The following MREG variants were observed in gnomAD, a reference collection of about 807,000 sequenced individuals.
MREG encodes melanoregulin.
MREG carries 31 observed loss-of-function variants against 28.5 expected under a neutral mutation model. The observed-to-expected ratio is 1.09, with a 90% CI of 0.82 to 1.47. The LOEUF is 1.47. Ranked by LOEUF, MREG falls within the 40% of genes most tolerant of loss-of-function variation. The pLI is 0.00. For missense variants in MREG, 256 were observed against 257.4 expected (o/e 0.99, Z 0.04); for synonymous variants, 106 against 95.2 (o/e 1.11, Z -0.66).
At chr2:215,987,045 G>A (rs1021834209) in intron 2 of MREG, among the ~76,000 whole-genome samples, 19 of 152,242 alleles carry the variant, frequency 1.2e-4, no homozygotes, top group Admixed American at 1.0e-3. Flanking sequence ...ATATCAATAG[G>A]AACTGGTTGA....
chr2:215,989,248 A>C (rs1693659721), intron 2 of MREG, among the ~76,000 whole-genome samples: 1 of 152,226 alleles, frequency 6.6e-6, no homozygotes, highest in African/African-American at 2.4e-5. Flanking sequence ...ATACCCAGGC[A>C]AACAGGGTCT....
intron 2 of MREG, among the ~76,000 whole-genome samples, chr2:215,991,315 C>G (rs905969313): frequency 1.3e-4 from 20 of 152,086 alleles, no homozygotes; most frequent in African/African-American, 4.8e-4. Flanking sequence ...AAAATTAAGG[C>G]AGAGATAAAT....
Position 215,943,136 on chromosome 2 carries a change from G to GT in MREG, c.*1726dup. On this transcript the variant is annotated 3_prime_UTR_variant, in exon 5 of 5. Coordinates refer to ENST00000263268, the MANE Select transcript of MREG (RefSeq NM_018000.3). ...CTCTAAGCAGACTAAATACAAGTTA[G>GT]TTTTTAACCTGAATTCAGAAGTGCA... 1 of 258,784 alleles carries GT rather than the reference G, an allele frequency of 3.9e-6. No homozygotes were observed. Among genetic ancestry groups the GT allele is most frequent in the South Asian group, 4.3e-5 (1 of 23,230 alleles). 16.0% of individuals were successfully genotyped at this position (258,784 alleles called of 1,614,324 possible).
intron 1 of MREG, among the ~76,000 whole-genome samples, chr2:216,025,033 T>C (rs1198482926): frequency 6.6e-6 from 1 of 151,882 alleles, no homozygotes; most frequent in African/African-American, 2.4e-5. Flanking sequence ...AGAAAATGTA[T>C]TATAAAGATG....
At chr2:216,017,142 G>T (rs996172390), upstream of MREG, among the ~76,000 whole-genome samples, 4 of 152,132 alleles carry the variant, frequency 2.6e-5, no homozygotes, top group African/African-American at 9.7e-5. Context: ...ATCATTGTGT[G>T]TGCTGTTATT....
At chr2:215,988,089 G>A (rs1401997775) in intron 2 of MREG, among the ~76,000 whole-genome samples, 1 of 152,116 alleles carries the variant, frequency 6.6e-6, no homozygotes, top group African/African-American at 2.4e-5. Flanking sequence ...TTAGGCAAGA[G>A]GAAGAGGTTA....
intron 1 of MREG, among the ~76,000 whole-genome samples, chr2:216,009,370 G>A (rs1027876010): frequency 6.6e-6 from 1 of 152,138 alleles, no homozygotes; most frequent in Non-Finnish European, 1.5e-5. Flanking sequence ...CTAAGTGGGG[G>A]TTGGGTGCAG....
At chr2:215,990,284 T>A (rs1265340377) in intron 2 of MREG, among the ~76,000 whole-genome samples, 1 of 152,180 alleles carries the variant, frequency 6.6e-6, no homozygotes, top group Non-Finnish European at 1.5e-5. Context: ...GAATTTCATA[T>A]CCAGCCAAAA....
intron 1 of MREG, among the ~76,000 whole-genome samples, chr2:216,001,749 T>C (rs1462273251): frequency 6.6e-6 from 1 of 152,242 alleles, no homozygotes; most frequent in Non-Finnish European, 1.5e-5. Context: ...TCCCGTTCTC[T>C]GGGCCTGCCC....
chr2:216,008,301 T>G (rs1408794761), intron 1 of MREG, among the ~76,000 whole-genome samples: 1 of 152,196 alleles, frequency 6.6e-6, no homozygotes, highest in Non-Finnish European at 1.5e-5. Flanking sequence ...TGTAAATGCT[T>G]TGTATCTGTG....
intron 1 of MREG, among the ~76,000 whole-genome samples, chr2:216,002,947 C>T (rs1230890082): frequency 6.6e-6 from 1 of 151,278 alleles, no homozygotes. Flanking sequence ...TTCCTTCTCT[C>T]TCATTCTCTC....
intron 1 of MREG, among the ~76,000 whole-genome samples, chr2:216,003,171 C>G (rs1215604625): frequency 6.6e-6 from 1 of 152,040 alleles, no homozygotes; most frequent in Non-Finnish European, 1.5e-5. Flanking sequence ...TTAGTTCCAG[C>G]GCTTTCCTCA....
In MREG at chr2:215,982,333, G is replaced by A. The variant is rs1332397437; in HGVS notation, c.255+13973C>T. On this transcript the variant is annotated intron_variant, in intron 2 of 4. Coordinates refer to ENST00000263268, the MANE Select transcript of MREG (RefSeq NM_018000.3). ...CAAAATTCTGTCACAGCAAAACTCC[G>A]TCAAAAAAAAAAAAAGAAAAGAAAA... is the stretch of plus-strand genomic sequence containing the variant. Among the ~76,000 whole-genome samples, 22 of 75,522 alleles carry A rather than the reference G, an allele frequency of 2.9e-4. No homozygotes were observed. In the East Asian group the frequency reaches 3.6e-3, roughly 12 times the overall value. 49.5% of individuals were successfully genotyped at this position (75,522 alleles called of 152,430 possible). A position where few individuals can be genotyped will look rare whatever the true frequency, so the allele number is the denominator to read the frequency against.
intron 1 of MREG, among the ~76,000 whole-genome samples, chr2:216,024,403 T>A (rs1486694653): frequency 6.6e-6 from 1 of 150,566 alleles, no homozygotes; most frequent in African/African-American, 2.4e-5. Flanking sequence ...CAGGCATAGA[T>A]CACACCACTG....
At chr2:215,949,853 T>C (rs1381824171) in intron 2 of MREG, among the ~76,000 whole-genome samples, 1 of 152,278 alleles carries the variant, frequency 6.6e-6, no homozygotes. Context: ...AATTTCTGGC[T>C]ACTTGTTATG....
At chr2:215,975,292 C>A (rs1205970151) in intron 2 of MREG, among the ~76,000 whole-genome samples, 1 of 152,060 alleles carries the variant, frequency 6.6e-6, no homozygotes, top group Non-Finnish European at 1.5e-5. Context: ...ATTAGTGAAG[C>A]TACTTAAGAT....
chr2:215,987,772 G>A (rs913631027), intron 2 of MREG, among the ~76,000 whole-genome samples: 26 of 151,998 alleles, frequency 1.7e-4, no homozygotes, highest in Admixed American at 2.6e-4. Context: ...GTGTGGTGGC[G>A]CATGCCTGTA....
At chr2:216,013,085 T>C (rs570021933) in intron 1 of MREG, 148 bp downstream of exon 1, 2 of 644,100 alleles carry the variant, frequency 3.1e-6, no homozygotes, top group Non-Finnish European at 5.2e-6. Flanking sequence ...AAACATCCCA[T>C]AAGGAACCAA....
chr2:215,999,696 G>A (rs1693963634), intron 1 of MREG, among the ~76,000 whole-genome samples: 1 of 152,200 alleles, frequency 6.6e-6, no homozygotes, highest in Non-Finnish European at 1.5e-5. Context: ...AATGAGGACC[G>A]ATTCCAGCAG....
Sources: allele counts gnomAD v4.1 joint callset (sites outside exome capture counted in the v4.1 genomes callset), GRCh38; gene constraint gnomAD v4.1.1; transcripts MANE v1.5; gene names NCBI Gene and HGNC (gene_info 2026-07-23, HGNC 2026-07-21).